PANK4: variants seen among roughly 807,000 people sequenced by gnomAD.
PANK4 encodes the protein pantothenate kinase 4 (inactive), also known as 4'-phosphopantetheine phosphatase.
In PANK4, 40 loss-of-function variants were observed where a neutral mutation model predicts 87.9. The ratio of observed to expected loss-of-function variants is 0.46; its 90% CI spans 0.35 to 0.59. PANK4 has a LOEUF of 0.59. PANK4 is among the 20% of genes least tolerant of loss of function. The probability of loss-of-function intolerance (pLI) is 0.00; values close to 1 mark genes in which losing one functional copy is unlikely to be tolerated. For synonymous variants in PANK4, 524 were observed against 467.4 expected (o/e 1.12, Z -1.56); for missense variants, 926 against 1,072.3 (o/e 0.86, Z 1.90).
chr1:2,510,638 A>T lies in PANK4; in HGVS notation c.1938+40T>A. ...GCGCCAACCCCACCGAGAGCAGAGA[A>T]GCCCAGGGGAAGGGCCCCACCCACC... On this transcript the variant is annotated intron_variant, in intron 16 of 18. Coordinates refer to ENST00000378466, the MANE Select transcript of PANK4 (RefSeq NM_018216.4). This position sits in a 1 kb window ranked among gnomAD's most constrained non-coding sequence, Gnocchi z 4.9. 8.2e-7 allele frequency: 1 copy of T among 1,215,420 alleles called. No individual in the cohort carries two copies. The highest frequency in any genetic ancestry group is 1.2e-6 in the Non-Finnish European group (1 of 823,680). 75.3% of individuals were successfully genotyped at this position (1,215,420 alleles called of 1,614,324 possible). A position where few individuals can be genotyped will look rare whatever the true frequency, so the allele number is the denominator to read the frequency against.
intron 2 of PANK4, 32 bp downstream of exon 2, chr1:2,521,686 C>T: frequency 1.3e-6 from 2 of 1,556,040 alleles, no homozygotes; most frequent in Admixed American, 1.7e-5. Context: ...GAAGCGGCTG[C>T]CCTGCCCCGG....
At chr1:2,513,111 C>T in intron 12 of PANK4, 72 bp from the exon 13 acceptor site, 3 of 1,472,788 alleles carry the variant, frequency 2.0e-6, no homozygotes, top group Admixed American at 2.1e-5. Context: ...CTGCCAGGCG[C>T]AGCCTGTTCC....
Position 2,511,485 on chromosome 1 carries a change from TCCCCGC to T in PANK4, c.1784-104_1784-99del, listed in dbSNP as rs1371819084. The T allele has an allele frequency of 7.0e-6, 8 of 1,143,192 alleles. No individual in the cohort carries two copies. The East Asian group carries it at 1.4e-4, about 20-fold the overall frequency. 70.8% of individuals were successfully genotyped at this position (1,143,192 alleles called of 1,614,324 possible). ...GTTCGTCTCTCCAGGAAGCAAGTTC[TCCCCGC>T]CCCCGAAGCCCAGCTGACAGAGCCT... On this transcript the variant is annotated intron_variant, in intron 14 of 18. Transcript: ENST00000378466.
chr1:2,516,386 G>A (rs973715323), intron 9 of PANK4, among the ~76,000 whole-genome samples: 3 of 152,214 alleles, frequency 2.0e-5, no homozygotes, highest in African/African-American at 7.2e-5. Flanking sequence ...CGCGCTCACG[G>A]GCCCTGCTGG....
At chr1:2,517,054 T>A (rs1381730462) in intron 9 of PANK4, among the ~76,000 whole-genome samples, 1 of 152,194 alleles carries the variant, frequency 6.6e-6, no homozygotes, top group African/African-American at 2.4e-5. Flanking sequence ...CACTCCAGGT[T>A]ACAGTCCAGG....
At position 2,520,474 on chromosome 1, in the gene PANK4, GC is replaced by G; in HGVS notation, c.607-61del. ...GGCCCTCAGCCACACAGGCTCCCCCGCCCCCCGCCCCATGTGCTGCGCTGGG... is the reference window on the plus strand; with the variant it reads ...GGCCCTCAGCCACACAGGCTCCCCCGCCCCCGCCCCATGTGCTGCGCTGGG... On this transcript the variant is annotated intron_variant, in intron 4 of 18. Coordinates refer to ENST00000378466, the MANE Select transcript of PANK4 (RefSeq NM_018216.4). This position sits in a 1 kb window ranked among gnomAD's most constrained non-coding sequence, Gnocchi z 6.2. The G allele has an allele frequency of 1.7e-6, 2 of 1,209,122 alleles. No individual in the cohort carries two copies. Among genetic ancestry groups the G allele is most frequent in the Non-Finnish European group, 1.1e-6 (1 of 899,718 alleles). The allele number at this position is 1,209,122 out of a possible 1,614,324, so 74.9% of individuals were successfully genotyped here.
At position 2,518,503 on chromosome 1, in the gene PANK4, C is replaced by T. The variant is rs1643825464; in HGVS notation, c.1117+13G>A. The T allele has an allele frequency of 6.4e-7, 1 of 1,553,460 alleles. No individual in the cohort carries two copies. The highest frequency in any genetic ancestry group is 8.7e-7 in the Non-Finnish European group (1 of 1,147,184). ...GCCCCACGCTGCTCAGGGGCGCCAG[C>T]ACCGCGACTCACTGTCCTGCTCAGC... On this transcript the variant is annotated intron_variant, in intron 8 of 18. Transcript: ENST00000378466.
At chr1:2,524,180 G>A (rs937687278) in intron 1 of PANK4, among the ~76,000 whole-genome samples, 3 of 152,124 alleles carry the variant, frequency 2.0e-5, no homozygotes, top group Non-Finnish European at 2.9e-5. Context: ...GAAATACAAC[G>A]TCCCTGCTGC....
chr1:2,510,658 C>A lies in PANK4; in HGVS notation c.1938+20G>T, dbSNP rs1055129341. On this transcript the variant is annotated intron_variant, in intron 16 of 18. Coordinates refer to ENST00000378466, the MANE Select transcript of PANK4 (RefSeq NM_018216.4). This position sits in a 1 kb window ranked among gnomAD's most constrained non-coding sequence, Gnocchi z 4.9. ...AGAGAAGCCCAGGGGAAGGGCCCCA[C>A]CCACCACCTCAACACTCACCTCTGT... is the stretch of plus-strand genomic sequence containing the variant. 3 of 1,437,782 alleles carry A rather than the reference C, an allele frequency of 2.1e-6. No homozygotes were observed. Among genetic ancestry groups the A allele is most frequent in the Non-Finnish European group, 2.9e-6 (3 of 1,021,176 alleles). 89.1% of individuals were successfully genotyped at this position (1,437,782 alleles called of 1,614,324 possible).
At chr1:2,516,352 G>A (rs552253610) in intron 9 of PANK4, among the ~76,000 whole-genome samples, 39 of 152,272 alleles carry the variant, frequency 2.6e-4, no homozygotes, top group African/African-American at 9.4e-4. Context: ...AGGGCACCCC[G>A]GGGCCACCTG....
chr1:2,522,736 T>C (rs1349232088), intron 1 of PANK4, among the ~76,000 whole-genome samples: 1 of 152,246 alleles, frequency 6.6e-6, no homozygotes, highest in African/African-American at 2.4e-5. Context: ...TTATAGTGAC[T>C]TAACGGAGGG....
chr1:2,520,830 A>G lies in PANK4; in HGVS notation c.499T>C (p.Phe167Leu). ...FVLKNIPHEAFVYQKDSDPEF... is the reference protein window; with the variant it reads ...FVLKNIPHEALVYQKDSDPEF... ...GGGTCGGAATCCTTCTGGTACACGA[A>G]GGCCTCATGGGGGATGTTCTTGAGC... is the stretch of plus-strand genomic sequence containing the variant. The change falls in exon 4 of 19, where the codon TTC becomes CTC. Residue 167 changes from phenylalanine to leucine, a missense_variant. Coordinates refer to ENST00000378466, the MANE Select transcript of PANK4 (RefSeq NM_018216.4). This position sits in a 1 kb window ranked among gnomAD's most constrained non-coding sequence, Gnocchi z 6.2. The G allele has an allele frequency of 6.2e-7, 1 of 1,606,390 alleles. No individual in the cohort carries two copies. The highest frequency in any genetic ancestry group is 8.5e-7 in the Non-Finnish European group (1 of 1,176,490).
chr1:2,515,536 G>A lies in PANK4; in HGVS notation c.1374+26C>T, dbSNP rs763759306. The A allele has an allele frequency of 6.8e-6, 11 of 1,611,024 alleles. No individual in the cohort carries two copies. Among genetic ancestry groups the A allele is most frequent in the East Asian group, 2.2e-5 (1 of 44,844 alleles). On this transcript the variant is annotated intron_variant, in intron 10 of 18. Transcript: ENST00000378466. This position sits in a 1 kb window ranked among gnomAD's most constrained non-coding sequence, Gnocchi z 5.0. ...TTAACCCGGCTGCGGCCTTGGAATC[G>A]TCTAGACGGCACCCGGAGCCCTCAC...
intron 3 of PANK4, 69 bp downstream of exon 3, chr1:2,521,032 G>A: frequency 6.5e-6 from 10 of 1,537,228 alleles, no homozygotes; most frequent in South Asian, 2.2e-5. Flanking sequence ...CCAGGGACGC[G>A]GCTCTGGGAC....
At position 2,513,975 on chromosome 1, in the gene PANK4, C is replaced by T. The variant is rs373395494; in HGVS notation, c.1575+27G>A. 49 of 1,536,948 alleles carry T rather than the reference C, an allele frequency of 3.2e-5. No individual in the cohort carries two copies. The African/African-American group carries it at 3.9e-4, about 12-fold the overall frequency. On this transcript the variant is annotated intron_variant, in intron 12 of 18. Transcript: ENST00000378466. ...CCAGCGGGACGGGGACAAGAGCGAG[C>T]GGAAGGCCAGGGCACACTGCACTTA...
intron 1 of PANK4, among the ~76,000 whole-genome samples, chr1:2,523,954 C>A (rs1201585035): frequency 6.6e-6 from 1 of 152,252 alleles, no homozygotes; most frequent in Non-Finnish European, 1.5e-5. Context: ...CTCTTCACAT[C>A]TGAGCCATGG....
chr1:2,511,147 C>T (rs1018009997), intron 15 of PANK4, among the ~76,000 whole-genome samples, 191 bp downstream of exon 15: 2 of 152,198 alleles, frequency 1.3e-5, no homozygotes, highest in African/African-American at 2.4e-5. Flanking sequence ...GAGCAGGTGA[C>T]CTAAGAAGCA....
Position 2,515,517 on chromosome 1 carries a change from C to T in PANK4, c.1374+45G>A, listed in dbSNP as rs773646346. 20 of 1,602,528 alleles carry T rather than the reference C, an allele frequency of 1.2e-5. No individual in the cohort carries two copies. The highest frequency in any genetic ancestry group is 2.7e-5 in the African/African-American group (2 of 74,828). ...CCCCCGGAGCCTTGGAAGGTTAACCCGGCTGCGGCCTTGGAATCGTCTAGA... is the reference window on the plus strand; with the variant it reads ...CCCCCGGAGCCTTGGAAGGTTAACCTGGCTGCGGCCTTGGAATCGTCTAGA... On this transcript the variant is annotated intron_variant, in intron 10 of 18. Coordinates refer to ENST00000378466, the MANE Select transcript of PANK4 (RefSeq NM_018216.4). The surrounding 1 kb of genome is among the most constrained non-coding windows in gnomAD (Gnocchi z 5.0).
At chr1:2,518,656 C>T in intron 7 of PANK4, 59 bp from the exon 8 acceptor site, 1 of 1,393,206 alleles carries the variant, frequency 7.2e-7, no homozygotes. Flanking sequence ...GGTGCCTCCG[C>T]AAACCAGCTC....
Sources: gnomAD v4.1 joint callset for allele counts (sites outside exome capture counted in the v4.1 genomes callset) on GRCh38, gnomAD v4.1.1 for gene constraint, Gnocchi (gnomAD v3.1) non-coding constraint, MANE v1.5 for transcripts, NCBI Gene and HGNC (gene_info 2026-07-23, HGNC 2026-07-21) for gene names.